Variants in EML6 observed in about 807,000 individuals in gnomAD.
The protein encoded by EML6 is EMAP like 6.
In EML6, 154 loss-of-function variants were observed where a neutral mutation model predicts 240.1. The observed-to-expected ratio is 0.64, with a 90% confidence interval of 0.56 to 0.73. The LOEUF (loss-of-function observed/expected upper bound fraction) is 0.73. Ranked by LOEUF, EML6 falls within the 30% of genes least tolerant of loss-of-function variation. The probability of loss-of-function intolerance (pLI) is 0.00; values close to 1 mark genes in which losing one functional copy is unlikely to be tolerated. For synonymous variants in EML6, 1,148 were observed against 899.0 expected (o/e 1.28, Z -4.95); for missense variants, 2,964 against 2,474.6 (o/e 1.20, Z -4.20).
At chr2:54,959,781 A>T (rs12614203) in intron 34 of EML6, among the ~76,000 whole-genome samples, 85,200 of 151,526 alleles carry the variant, frequency 0.56, 26,708 homozygotes, top group Middle Eastern at 0.71. Flanking sequence ...TTAATAAATT[A>T]AAAGAAAATC....
chr2:54,863,409 C>G (rs974050059), intron 12 of EML6, among the ~76,000 whole-genome samples: 4 of 152,164 alleles, frequency 2.6e-5, no homozygotes, highest in African/African-American at 9.7e-5. Flanking sequence ...GTAGTCCCAG[C>G]TGCCAGGAGG....
At chr2:54,915,711 T>G (rs1673873934) in intron 25 of EML6, among the ~76,000 whole-genome samples, 1 of 152,078 alleles carries the variant, frequency 6.6e-6, no homozygotes, top group African/African-American at 2.4e-5. Flanking sequence ...TATCTTGTAA[T>G]TTCTCTTCTA....
At chr2:54,793,106 A>C (rs1572904370) in intron 2 of EML6, among the ~76,000 whole-genome samples, 2 of 152,014 alleles carry the variant, frequency 1.3e-5, no homozygotes, top group Non-Finnish European at 2.9e-5. Context: ...CATCTCTACA[A>C]AATTACAAAA....
chr2:54,846,814 A>G (rs990258118), intron 8 of EML6, among the ~76,000 whole-genome samples: 2 of 152,070 alleles, frequency 1.3e-5, no homozygotes, highest in Non-Finnish European at 2.9e-5. Context: ...TAATAATGGC[A>G]TCTTATCCTG....
intron 32 of EML6, among the ~76,000 whole-genome samples, chr2:54,956,205 A>G (rs548213452): frequency 1.7e-4 from 26 of 151,958 alleles, no homozygotes; most frequent in Non-Finnish European, 3.1e-4. Context: ...GGAAAATATA[A>G]ACAGTGGCTT....
intron 16 of EML6, 78 bp from the exon 17 acceptor site, chr2:54,879,469 C>G (rs146188473): frequency 7.0e-5 from 63 of 904,136 alleles, no homozygotes; most frequent in Non-Finnish European, 9.6e-5. Flanking sequence ...AGATCAGTTA[C>G]TTATTCCTCT....
At chr2:54,926,174 T>C (rs1371024806) in intron 26 of EML6, among the ~76,000 whole-genome samples, 1 of 152,246 alleles carries the variant, frequency 6.6e-6, no homozygotes, top group Non-Finnish European at 1.5e-5. Context: ...TGATCTTGGC[T>C]GACAGCAACC....
intron 39 of EML6, 25 bp from the exon 40 acceptor site, chr2:54,968,103 C>T: frequency 6.5e-7 from 1 of 1,549,894 alleles, no homozygotes; most frequent in Non-Finnish European, 8.7e-7. Context: ...TCCTTCTATC[C>T]TAACCCCTCT....
chr2:54,777,636 T>C (rs10167638), intron 2 of EML6, among the ~76,000 whole-genome samples: 2 of 152,136 alleles, frequency 1.3e-5, no homozygotes, highest in Non-Finnish European at 2.9e-5. Context: ...GTGGGAGAGA[T>C]GGGAGTCATG....
chr2:54,775,150 T>C (rs1223657081), intron 2 of EML6, among the ~76,000 whole-genome samples: 2 of 152,200 alleles, frequency 1.3e-5, no homozygotes, highest in Non-Finnish European at 2.9e-5. Flanking sequence ...TTCATTATGG[T>C]AGCCAAAATA....
At chr2:54,884,158 C>T (rs539889868) in intron 17 of EML6, among the ~76,000 whole-genome samples, 1 of 152,138 alleles carries the variant, frequency 6.6e-6, no homozygotes, top group Non-Finnish European at 1.5e-5. Context: ...CCTCATCCCA[C>T]CTTGGGTTCG....
At chr2:54,937,847 TA>T (rs1675228390) in intron 28 of EML6, among the ~76,000 whole-genome samples, 1 of 152,230 alleles carries the variant, frequency 6.6e-6, no homozygotes, top group African/African-American at 2.4e-5. Flanking sequence ...TGTTTGTATT[TA>T]AATCATTATG....
intron 2 of EML6, among the ~76,000 whole-genome samples, chr2:54,770,566 A>G (rs898640210): frequency 6.6e-6 from 1 of 152,092 alleles, no homozygotes; most frequent in Non-Finnish European, 1.5e-5. Flanking sequence ...TTCCATAATC[A>G]TCTAGTGTCT....
chr2:54,904,810 G>A (rs115906709), intron 24 of EML6, among the ~76,000 whole-genome samples: 2,932 of 152,240 alleles, frequency 0.019, 90 homozygotes, highest in African/African-American at 0.066. Flanking sequence ...AAATTAATCA[G>A]GAGAACGATG....
chr2:54,882,472 T>C (rs948152675), intron 17 of EML6: 1 of 152,086 alleles, frequency 6.6e-6, no homozygotes, highest in South Asian at 2.1e-4. Flanking sequence ...GTAGTGTGAC[T>C]AGGGGAACAA....
Position 54,849,948 on chromosome 2 carries a change from T to A in EML6, c.1188-14T>A. The A allele has an allele frequency of 1.3e-6, 2 of 1,544,002 alleles. No individual in the cohort carries two copies. The highest frequency in any genetic ancestry group is 8.8e-7 in the Non-Finnish European group (1 of 1,141,972). On this transcript the variant is annotated splice_polypyrimidine_tract_variant and intron_variant, in intron 9 of 41. Coordinates refer to ENST00000356458, the MANE Select transcript of EML6 (RefSeq NM_001039753.4). ...TAGAATTGCTGCTTATCGTTTTGCT[T>A]TTTATTCTTACAGAGATATGACAGA...
At chr2:54,820,761 A>G (rs1459476411) in intron 5 of EML6, among the ~76,000 whole-genome samples, 1 of 152,176 alleles carries the variant, frequency 6.6e-6, no homozygotes, top group Non-Finnish European at 1.5e-5. Flanking sequence ...ATGTTTTAAA[A>G]CAGTGCTTAT....
chr2:54,897,197 T>C (rs1279783539), intron 21 of EML6, among the ~76,000 whole-genome samples: 3 of 152,260 alleles, frequency 2.0e-5, no homozygotes, highest in African/African-American at 7.2e-5. Context: ...TAAATAATAC[T>C]GTAAGATCTA....
chr2:54,947,830 C>T (rs1406512297), intron 28 of EML6, among the ~76,000 whole-genome samples: 2 of 152,182 alleles, frequency 1.3e-5, no homozygotes, highest in Admixed American at 6.5e-5. Flanking sequence ...AATTTGTAGA[C>T]TGGTGCACTC....
Sources: gnomAD v4.1 joint callset for allele counts (sites outside exome capture counted in the v4.1 genomes callset) on GRCh38, gnomAD v4.1.1 for gene constraint, MANE v1.5 for transcripts, NCBI Gene and HGNC (gene_info 2026-07-23, HGNC 2026-07-21) for gene names.